SALL4: variants seen among roughly 807,000 people sequenced by gnomAD.
The protein encoded by SALL4 is sal-like protein 4.
In SALL4, 4 loss-of-function variants were observed where a neutral mutation model predicts 60.8. The observed-to-expected ratio is 0.07, with a 90% CI of 0.03 to 0.15. The LOEUF (loss-of-function observed/expected upper bound fraction) is 0.15, where lower values mean the gene tolerates loss of function less well. Among genes scored for constraint, SALL4 ranks in the 10% least tolerant of loss-of-function variants. The pLI is 1.00. For missense variants in SALL4, 1,178 were observed against 1,394.7 expected (o/e 0.84, Z 2.48); for synonymous variants, 580 against 574.9 (o/e 1.01, Z -0.13).
At chr20:51,786,683 C>T (rs2077995073) in intron 3 of SALL4, among the ~76,000 whole-genome samples, 1 of 152,206 alleles carries the variant, frequency 6.6e-6, no homozygotes, top group African/African-American at 2.4e-5. Context: ...GTTGATACTA[C>T]CGTTTTGCAA....
In SALL4 at chr20:51,791,937, G is replaced by T. The variant is rs1293586848; in HGVS notation, c.546C>A (p.Thr182=). The T allele has an allele frequency of 6.2e-7, 1 of 1,614,100 alleles. No individual in the cohort carries two copies. Among genetic ancestry groups the T allele is most frequent in the Non-Finnish European group, 8.5e-7 (1 of 1,180,048 alleles). ...CCTTGGTGCCCCGTAGTGCCTGCAA[G>T]GTCACATTAGTGTTGGCCACTTTGC... ...AKGKVANTNV[T]LQALRGTKVA... is the part of the protein sequence containing the mutation. The change falls in exon 2 of 4, where the codon ACC becomes ACA. Residue 182 remains threonine, a synonymous_variant. Transcript: ENST00000217086. This position sits in a 1 kb window ranked among gnomAD's most constrained non-coding sequence, Gnocchi z 4.6.
At chr20:51,785,884 C>T (rs917297306) in intron 3 of SALL4, among the ~76,000 whole-genome samples, 15 of 151,738 alleles carry the variant, frequency 9.9e-5, no homozygotes, top group Admixed American at 1.3e-4. Flanking sequence ...CCTCGTGGTC[C>T]GCCTGCCTCG....
In SALL4 at chr20:51,790,716, G is replaced by A. The variant is rs201329321; in HGVS notation, c.1767C>T (p.Thr589=). 1.3e-5 allele frequency: 21 copies of A among 1,614,114 alleles called. No homozygotes were observed. The highest frequency in any genetic ancestry group is 1.1e-4 in the East Asian group (5 of 44,864). Residue 589 remains threonine (T), a synonymous_variant, in exon 2 of 4, where the codon ACC becomes ACT. Transcript: ENST00000217086. This position sits in a 1 kb window ranked among gnomAD's most constrained non-coding sequence, Gnocchi z 5.5. ...SSLKMHYRTH[T]GERPFQCKIC... Reference sequence around the variant, plus strand: ...TCTTACACTGGAACGGTCTCTCCCCGGTGTGGGTGCGATAATGCATCTTGA... The same window carrying A: ...TCTTACACTGGAACGGTCTCTCCCCAGTGTGGGTGCGATAATGCATCTTGA...
rs1190340783 is a variant in SALL4, at chr20:51,788,428, T to C, written c.2742+433A>G. ...GGACTCAGCTGGGTGCAGTGGCTCA[T>C]GCCTGTAATCCCAGCACTTTGGGAG... On this transcript the variant is annotated intron_variant, in intron 3 of 3. Transcript: ENST00000217086. The surrounding 1 kb of genome is among the most constrained non-coding windows in gnomAD (Gnocchi z 4.1). Among the ~76,000 whole-genome samples, 1 of 151,864 alleles carries C rather than the reference T, an allele frequency of 6.6e-6. No homozygotes were observed. The highest frequency in any genetic ancestry group is 1.5e-5 in the Non-Finnish European group (1 of 67,966).
In SALL4 at chr20:51,790,223, C is replaced by T. The variant is rs199607966; in HGVS notation, c.2260G>A (p.Val754Met). Residue 754 changes from valine (V) to methionine (M), a missense_variant, in exon 2 of 4, where the codon GTG (valine) becomes ATG (methionine). By Grantham distance (21) the Val-to-Met change is conservative. Coordinates refer to ENST00000217086, the MANE Select transcript of SALL4 (RefSeq NM_020436.5). The surrounding 1 kb of genome is among the most constrained non-coding windows in gnomAD (Gnocchi z 5.5). ...TCGTTGGTCAAGCCATCGCTCTCCA[C>T]GGAACCGTTTTCTCTGCTGCCCTGG... is the stretch of plus-strand genomic sequence containing the variant. ...QRQGSRENGS[V>M]ESDGLTNDSS... 4.1e-4 allele frequency: 666 copies of T among 1,614,028 alleles called. No homozygotes were observed. Among genetic ancestry groups the T allele is most frequent in the Non-Finnish European group, 5.2e-4 (612 of 1,180,034 alleles).
At chr20:51,796,519 ATCC>A (rs796212840) in intron 1 of SALL4, among the ~76,000 whole-genome samples, 4 of 152,292 alleles carry the variant, frequency 2.6e-5, no homozygotes, top group African/African-American at 9.6e-5. Context: ...GCCCAAGATA[ATCC>A]TTCTTCCAAT....
In SALL4 at chr20:51,791,875, G is replaced by A; in HGVS notation, c.608C>T (p.Ala203Val). ...GATGCTGTTGGCACCAGGCACGGGG[G>A]CAGGGAGTGCATCCGCGCTCCGCTG... ...VNQRSADALP[A>V]PVPGANSIPW... Residue 203 changes from alanine to valine, a missense_variant, in exon 2 of 4, where the codon GCC becomes GTC. By Grantham distance (64) the Ala-to-Val change is moderately conservative (BLOSUM62 0). This residue lies in a region of SALL4 where 853 missense variants were observed against 1,036.8 expected (regional missense o/e 0.82). Coordinates refer to ENST00000217086, the MANE Select transcript of SALL4 (RefSeq NM_020436.5). This position sits in a 1 kb window ranked among gnomAD's most constrained non-coding sequence, Gnocchi z 4.6. 6.2e-7 allele frequency: 1 copy of A among 1,614,154 alleles called. No individual in the cohort carries two copies. The highest frequency in any genetic ancestry group is 1.3e-5 in the African/African-American group (1 of 75,084).
intron 1 of SALL4, chr20:51,797,611 C>G (rs192016963): frequency 4.6e-5 from 7 of 151,360 alleles, no homozygotes; most frequent in African/African-American, 1.7e-4. Flanking sequence ...CTGTTATGAA[C>G]AATTGCTGGG....
chr20:51,800,793 G>A (rs569284216), intron 1 of SALL4, among the ~76,000 whole-genome samples: 1 of 151,028 alleles, frequency 6.6e-6, no homozygotes, highest in Non-Finnish European at 1.5e-5. Flanking sequence ...CCTCGGGTGC[G>A]CGCTGCGCTG....
chr20:51,785,232 C>T (rs1010636857), intron 3 of SALL4, among the ~76,000 whole-genome samples: 6 of 151,896 alleles, frequency 4.0e-5, no homozygotes, highest in Non-Finnish European at 5.9e-5. Context: ...ACCTGGGAGG[C>T]GGAGGTTGCA....
chr20:51,792,186 A>T lies in SALL4; in HGVS notation c.297T>A (p.Pro99=), dbSNP rs761570756. The stretch of plus-strand genomic sequence containing the variant: ...CCTCGCTGTCATTCATGATGAGGAC[A>T]GGTGGATTTTTAGTGCAATTTTTCT... ...EHKKNCTKNP[P]VLIMNDSEGP... The change falls in exon 2 of 4, where the codon CCT becomes CCA. Residue 99 remains proline (P), a synonymous_variant. Coordinates refer to ENST00000217086, the MANE Select transcript of SALL4 (RefSeq NM_020436.5). The T allele has an allele frequency of 1.2e-6, 2 of 1,614,180 alleles. No homozygotes were observed. The highest frequency in any genetic ancestry group is 2.2e-5 in the South Asian group (2 of 91,080).
Position 51,791,463 on chromosome 20 carries a change from G to A in SALL4, c.1020C>T (p.Gly340=), listed in dbSNP as rs142790611. 40 of 1,614,054 alleles carry A rather than the reference G, an allele frequency of 2.5e-5. No individual in the cohort carries two copies. In the African/African-American group the frequency reaches 4.9e-4, roughly 20 times the overall value. ...AGAAAGGGCTCTGGAAGAGCACCGA[G>A]CCCGGGGCCTGAGGAAGCAAAGCGC... ...LPSALLPQAP[G]SVLFQSPFST... The change falls in exon 2 of 4, where the codon GGC becomes GGT. Residue 340 remains glycine (G), a synonymous_variant. Transcript: ENST00000217086. The surrounding 1 kb of genome is among the most constrained non-coding windows in gnomAD (Gnocchi z 4.6).
chr20:51,785,666 C>T (rs958817675), intron 3 of SALL4, among the ~76,000 whole-genome samples: 2 of 151,674 alleles, frequency 1.3e-5, no homozygotes, highest in African/African-American at 2.4e-5. Flanking sequence ...TTTTTTGAGA[C>T]GGAGTCTCGC....
At chr20:51,787,063 C>T (rs2077998042) in intron 3 of SALL4, among the ~76,000 whole-genome samples, 1 of 151,746 alleles carries the variant, frequency 6.6e-6, no homozygotes, top group Non-Finnish European at 1.5e-5. Flanking sequence ...CCACTGCACT[C>T]CAGCCTGGGC....
In SALL4 at chr20:51,801,154, G is replaced by A. The variant is rs761742212; in HGVS notation, c.130+1125C>T. 6.6e-6 allele frequency among the ~76,000 whole-genome samples: 1 copy of A among 152,012 alleles called. No homozygotes were observed. Among genetic ancestry groups the A allele is most frequent in the Non-Finnish European group, 1.5e-5 (1 of 68,004 alleles). On this transcript the variant is annotated intron_variant, in intron 1 of 3. Coordinates refer to ENST00000217086, the MANE Select transcript of SALL4 (RefSeq NM_020436.5). This position sits in a 1 kb window ranked among gnomAD's most constrained non-coding sequence, Gnocchi z 5.2. ...CCACGCGCACGCTAAAAACTTATCA[G>A]GCGACAATTTGGCGGGCCGGGATGG...
Position 51,801,462 on chromosome 20 carries a change from C to G in SALL4, c.130+817G>C, listed in dbSNP as rs1249852515. The stretch of plus-strand genomic sequence containing the variant: ...GCACCCCAGTGGGGCTGCCGCGCGC[C>G]CGCCACCCCGGCCACTGGGGGCTCG... On this transcript the variant is annotated intron_variant, in intron 1 of 3. Transcript: ENST00000217086. This position sits in a 1 kb window ranked among gnomAD's most constrained non-coding sequence, Gnocchi z 5.2. 1 of 152,242 alleles carries G rather than the reference C, an allele frequency of 6.6e-6. No homozygotes were observed. Among genetic ancestry groups the G allele is most frequent in the Non-Finnish European group, 1.5e-5 (1 of 68,086 alleles). The allele number at this position is 152,242 out of a possible 1,614,324, so 9.4% of individuals were successfully genotyped here.
In SALL4 at chr20:51,784,574, T is replaced by G; in HGVS notation, c.2853A>C (p.Glu951Asp). 6.2e-7 allele frequency: 1 copy of G among 1,614,140 alleles called. No homozygotes were observed. The highest frequency in any genetic ancestry group is 8.5e-7 in the Non-Finnish European group (1 of 1,180,036). ...LLGTDGKRVS[E>D]IFPKEILAPS... Reference sequence around the variant, plus strand: ...GGGCCAGGATTTCCTTGGGAAAGATTTCTGAGACTCTTTTTCCGTCCGTAC... The same window carrying G: ...GGGCCAGGATTTCCTTGGGAAAGATGTCTGAGACTCTTTTTCCGTCCGTAC... The change falls in exon 4 of 4, where the codon GAA becomes GAC. Residue 951 changes from glutamate to aspartate, a missense_variant. By Grantham distance (45) the Glu-to-Asp change is conservative. This residue lies in a region of SALL4 where 174 missense variants were observed against 169.6 expected (regional missense o/e 1.03). Coordinates refer to ENST00000217086, the MANE Select transcript of SALL4 (RefSeq NM_020436.5).
intron 1 of SALL4, among the ~76,000 whole-genome samples, chr20:51,798,158 A>G (rs1003902739): frequency 2.0e-5 from 3 of 152,260 alleles, no homozygotes; most frequent in Non-Finnish European, 4.4e-5. Flanking sequence ...AATTCATAGA[A>G]GGCAGATAAG....
chr20:51,784,075 T>A lies in SALL4; in HGVS notation c.*190A>T, dbSNP rs2077972163. 3.0e-6 allele frequency: 2 copies of A among 662,102 alleles called. No individual in the cohort carries two copies. The highest frequency in any genetic ancestry group is 2.9e-5 in the Admixed American group (1 of 34,540). 41.0% of individuals were successfully genotyped at this position (662,102 alleles called of 1,614,324 possible). On this transcript the variant is annotated 3_prime_UTR_variant, in exon 4 of 4. Coordinates refer to ENST00000217086, the MANE Select transcript of SALL4 (RefSeq NM_020436.5). ...TGCATTTTTTTTTTATTTTTTCAAC[T>A]TTTTGCAAAGCAGCATAGCAACAAT...
Sources: gnomAD v4.1 joint callset for allele counts (sites outside exome capture counted in the v4.1 genomes callset) on GRCh38, gnomAD v4.1.1 for gene constraint, gnomAD v4.1.1 regional missense constraint, Gnocchi (gnomAD v3.1) non-coding constraint, MANE v1.5 for transcripts, NCBI Gene and HGNC (gene_info 2026-07-23, HGNC 2026-07-21) for gene names.